The following L3HYPDH variants were observed in gnomAD, a reference collection of about 807,000 sequenced individuals.
The protein encoded by L3HYPDH is trans-L-3-hydroxyproline dehydratase, also known as trans-3-hydroxy-L-proline dehydratase.
L3HYPDH carries 32 observed loss-of-function variants against 26.5 expected under a neutral mutation model. The observed-to-expected ratio is 1.21, with a 90% CI of 0.91 to 1.62. The LOEUF is 1.62. L3HYPDH is among the 40% of genes most tolerant of loss of function. The pLI is 0.00. For missense variants in L3HYPDH, 554 were observed against 476.4 expected (o/e 1.16, Z -1.52); for synonymous variants, 215 against 196.6 (o/e 1.09, Z -0.78).
intron 2 of L3HYPDH, chr14:59,478,707 A>C (rs1889803706): frequency 6.5e-6 from 1 of 152,694 alleles, no homozygotes; most frequent in Admixed American, 6.5e-5. Flanking sequence ...TTTAATTTCC[A>C]TTTTGCAGAC....
At chr14:59,495,372 C>T in the L3HYPDH span, 1 of 597,732 alleles carries the variant, frequency 1.7e-6, no homozygotes, top group South Asian at 2.1e-5. Flanking sequence ...TGTAAACAGC[C>T]TCTTGTAACT....
chr14:59,498,918 A>T, the L3HYPDH span: 1,266 of 1,518,470 alleles, frequency 8.3e-4, 20 homozygotes, highest in East Asian at 0.03. Context: ...TGTAAGTTTG[A>T]TGGGTAAAGT....
chr14:59,485,216 T>G, upstream of L3HYPDH: 1 of 1,312,688 alleles, frequency 7.6e-7, no homozygotes, highest in Middle Eastern at 2.0e-4. Flanking sequence ...GTGTATTTAT[T>G]AAGCATCTAC....
At chr14:59,476,456 T>C (rs3736994) in intron 2 of L3HYPDH, among the ~76,000 whole-genome samples, 47,607 of 152,130 alleles carry the variant, frequency 0.31, 7,637 homozygotes, top group South Asian at 0.45. Context: ...GTCCTGCATA[T>C]AGCCTTTGCT....
the L3HYPDH span, chr14:59,504,178 T>C: frequency 1.5e-6 from 1 of 682,662 alleles, no homozygotes; most frequent in Non-Finnish European, 2.5e-6. Flanking sequence ...GGAACAAGAT[T>C]GTCAGTATAT....
At chr14:59,502,751 T>TTTTTTTTTTGTTTTGTTTTGTTTTG in the L3HYPDH span, among the ~76,000 whole-genome samples, 1 of 89,152 alleles carries the variant, frequency 1.1e-5, no homozygotes, top group African/African-American at 4.5e-5. Context: ...TAAAATGAGA[T>TTTTTTTTTTGTTTTGTTTTGTTTTG]TTTTTTTTTT....
chr14:59,491,707 A>G, the L3HYPDH span, among the ~76,000 whole-genome samples: 50 of 152,226 alleles, frequency 3.3e-4, 2 homozygotes, highest in Non-Finnish European at 4.4e-5. Context: ...CTGGAGATGG[A>G]GAGATCTCCA....
intron 2 of L3HYPDH, among the ~76,000 whole-genome samples, chr14:59,478,242 T>C (rs1889771007): frequency 6.6e-6 from 1 of 152,210 alleles, no homozygotes; most frequent in African/African-American, 2.4e-5. Flanking sequence ...TAAGGAACTA[T>C]AAACTATATT....
the L3HYPDH span, among the ~76,000 whole-genome samples, chr14:59,491,150 G>A: frequency 6.6e-6 from 1 of 152,170 alleles, no homozygotes; most frequent in Non-Finnish European, 1.5e-5. Flanking sequence ...TAAAAACTGG[G>A]GATAACCCCT....
rs544906044 is a variant in L3HYPDH, at chr14:59,474,914, T to C, written c.939+955A>G. ...TGGTTTCACATGTTTCAGATCACTA[T>C]ATGATGTAGAGATCCTTAAGGAAAC... On this transcript the variant is annotated intron_variant, in intron 4 of 4. Coordinates refer to ENST00000247194, the MANE Select transcript of L3HYPDH (RefSeq NM_144581.2). 7.5e-5 allele frequency: 12 copies of C among 160,640 alleles called. No homozygotes were observed. The East Asian group carries it at 1.1e-3, about 15-fold the overall frequency. 10.0% of individuals were successfully genotyped at this position (160,640 alleles called of 1,614,324 possible).
chr14:59,499,620 T>C, the L3HYPDH span, among the ~76,000 whole-genome samples: 9 of 152,060 alleles, frequency 5.9e-5, no homozygotes, highest in Admixed American at 5.2e-4. Context: ...GAAAATGTAG[T>C]GTGGTTCTTT....
At chr14:59,500,280 T>C in the L3HYPDH span, among the ~76,000 whole-genome samples, 2 of 152,238 alleles carry the variant, frequency 1.3e-5, no homozygotes, top group African/African-American at 4.8e-5. Flanking sequence ...AGTTTCTAGC[T>C]GCTGAATCCT....
At chr14:59,475,837 T>C (rs761281262) in intron 4 of L3HYPDH, 32 bp downstream of exon 4, 3 of 1,591,488 alleles carry the variant, frequency 1.9e-6, no homozygotes, top group Admixed American at 3.5e-5. Context: ...GAGTGACACA[T>C]TTATAAATAA....
chr14:59,484,071 C>G lies in L3HYPDH; in HGVS notation c.246G>C (p.Pro82=), dbSNP rs757464201. The change falls in exon 1 of 5, where the codon CCG becomes CCC. Residue 82 remains proline, a synonymous_variant. Coordinates refer to ENST00000247194, the MANE Select transcript of L3HYPDH (RefSeq NM_144581.2). ...CCAGATGCGCGTCCGGCAGCTCGCT[C>G]GGGACTAGGACCGCCCCGTACATGT... is the stretch of plus-strand genomic sequence containing the variant. ...HRDMYGAVLV[P]SELPDAHLGV... The G allele has an allele frequency of 6.2e-7, 1 of 1,607,084 alleles. No homozygotes were observed. Among genetic ancestry groups the G allele is most frequent in the Non-Finnish European group, 8.5e-7 (1 of 1,179,586 alleles).
At chr14:59,480,109 T>A (rs547144339) in intron 1 of L3HYPDH, among the ~76,000 whole-genome samples, 1 of 152,318 alleles carries the variant, frequency 6.6e-6, no homozygotes, top group South Asian at 2.1e-4. Flanking sequence ...GATCACTGCC[T>A]TTTAGGGAAG....
chr14:59,490,564 A>G, the L3HYPDH span, among the ~76,000 whole-genome samples: 1 of 152,222 alleles, frequency 6.6e-6, no homozygotes, highest in Admixed American at 6.5e-5. Context: ...GAAATAGACT[A>G]TGGTAGTTGG....
chr14:59,485,981 A>AT (rs1890537919), upstream of L3HYPDH: 1 of 152,228 alleles, frequency 6.6e-6, no homozygotes, highest in Non-Finnish European at 1.5e-5. Context: ...GAAAACTTCC[A>AT]TAATTTCTTG....
rs1447564749 is a variant in L3HYPDH, at chr14:59,483,974, C to A, written c.343G>T (p.Ala115Ser). 1.3e-6 allele frequency: 2 copies of A among 1,574,988 alleles called. No individual in the cohort carries two copies. The highest frequency in any genetic ancestry group is 8.6e-7 in the Non-Finnish European group (1 of 1,166,086). Residue 115 changes from alanine to serine, a missense_variant, in exon 1 of 5, where the codon GCT (alanine) becomes TCT (serine). Transcript: ENST00000247194. Reference sequence around the variant, plus strand: ...GCCGGCACAAGCCCGAAGTCCAAAGCGAAGCGGCCCAGCGCCAGCACTGCG... The same window carrying A: ...GCCGGCACAAGCCCGAAGTCCAAAGAGAAGCGGCCCAGCGCCAGCACTGCG... ...GHAVLALGRF[A>S]LDFGLVPAPP...
upstream of L3HYPDH, chr14:59,485,124 A>G (rs1890430875): frequency 6.3e-7 from 1 of 1,598,154 alleles, no homozygotes; most frequent in African/African-American, 1.3e-5. Context: ...TTAGTAAGTG[A>G]TAGGCTGTTT....
Sources: gnomAD v4.1 joint callset for allele counts (sites outside exome capture counted in the v4.1 genomes callset) on GRCh38, gnomAD v4.1.1 for gene constraint, MANE v1.5 for transcripts, NCBI Gene and HGNC (gene_info 2026-07-23, HGNC 2026-07-21) for gene names.